The following ARHGEF26 variants were observed in gnomAD, a reference collection of about 807,000 sequenced individuals.
The protein encoded by ARHGEF26 is Rho guanine nucleotide exchange factor (GEF) 26.
A neutral mutation model predicts 89.4 loss-of-function variants in ARHGEF26; 59 were observed. The ratio of observed to expected loss-of-function variants is 0.66; its 90% confidence interval spans 0.54 to 0.82. ARHGEF26 has a LOEUF of 0.82. Among genes scored for constraint, ARHGEF26 ranks in the 40% least tolerant of loss-of-function variants. The pLI is 0.00. For missense variants in ARHGEF26, 1,234 were observed against 1,085.6 expected (o/e 1.14, Z -1.92); for synonymous variants, 500 against 428.4 (o/e 1.17, Z -2.06).
At chr3:154,179,624 C>T (rs1037858361) in intron 6 of ARHGEF26, among the ~76,000 whole-genome samples, 1 of 152,122 alleles carries the variant, frequency 6.6e-6, no homozygotes, top group Non-Finnish European at 1.5e-5. Flanking sequence ...GAGCCTGGCA[C>T]ATAGTAGGCA....
intron 12 of ARHGEF26, among the ~76,000 whole-genome samples, chr3:154,248,879 CT>C (rs549290169): frequency 6.6e-6 from 1 of 152,040 alleles, no homozygotes; most frequent in Non-Finnish European, 1.5e-5. Flanking sequence ...TTTTTAATGA[CT>C]TTTTTTCACG....
intron 10 of ARHGEF26, among the ~76,000 whole-genome samples, chr3:154,225,304 G>T (rs1255065794): frequency 6.6e-6 from 1 of 152,102 alleles, no homozygotes; most frequent in East Asian, 1.9e-4. Context: ...TTAAGAACAG[G>T]TGTTCTCAAG....
At chr3:154,206,676 G>A (rs1419456924) in intron 9 of ARHGEF26, among the ~76,000 whole-genome samples, 1 of 152,118 alleles carries the variant, frequency 6.6e-6, no homozygotes, top group Non-Finnish European at 1.5e-5. Context: ...TCTTTAAAAC[G>A]CTAATACTGC....
chr3:154,251,272 T>G (rs1046588098), intron 12 of ARHGEF26, among the ~76,000 whole-genome samples: 9 of 152,294 alleles, frequency 5.9e-5, no homozygotes, highest in African/African-American at 2.2e-4. Flanking sequence ...CTTTTCAAGA[T>G]TGTTGTAAAA....
chr3:154,180,588 C>T (rs1273063898), intron 6 of ARHGEF26, among the ~76,000 whole-genome samples: 2 of 2,898 alleles, frequency 6.9e-4, no homozygotes, highest in Admixed American at 0.011. Flanking sequence ...GCTGCATCCT[C>T]CTCTAATTTT....
chr3:154,212,167 C>A (rs1287479290), intron 9 of ARHGEF26, among the ~76,000 whole-genome samples: 1 of 151,936 alleles, frequency 6.6e-6, no homozygotes, highest in Non-Finnish European at 1.5e-5. Flanking sequence ...AGTGAGACCT[C>A]TTCTCCACAG....
intron 6 of ARHGEF26, among the ~76,000 whole-genome samples, chr3:154,171,973 T>TTTC (rs1229318197): frequency 6.6e-6 from 1 of 152,170 alleles, no homozygotes; most frequent in South Asian, 2.1e-4. Flanking sequence ...TGTAATTTTT[T>TTTC]TTCTTCTTCT....
chr3:154,158,428 A>G (rs1711503717), intron 6 of ARHGEF26, among the ~76,000 whole-genome samples: 1 of 152,070 alleles, frequency 6.6e-6, no homozygotes, highest in African/African-American at 2.4e-5. Flanking sequence ...AATCCTACTG[A>G]TTGTTTTTAC....
intron 9 of ARHGEF26, among the ~76,000 whole-genome samples, chr3:154,201,185 G>C (rs1714611361): frequency 6.9e-6 from 1 of 145,372 alleles, no homozygotes; most frequent in East Asian, 2.0e-4. Context: ...CCCAGTGTGT[G>C]ATGTTCCCCT....
Position 154,149,456 on chromosome 3 carries a change from A to G in ARHGEF26, c.1326+11A>G, listed in dbSNP as rs753501890. On this transcript the variant is annotated intron_variant, in intron 5 of 14. Transcript: ENST00000465093. ...AGAAAGAGACAAGAGGTATGTTTCTACCGAGCAGCTGCTTTAGAGCTCTGG... is the reference window on the plus strand; with the variant it reads ...AGAAAGAGACAAGAGGTATGTTTCTGCCGAGCAGCTGCTTTAGAGCTCTGG... The G allele has an allele frequency of 8.1e-6, 13 of 1,602,798 alleles. No homozygotes were observed. The highest frequency in any genetic ancestry group is 2.3e-5 in the South Asian group (2 of 88,640).
chr3:154,143,676 C>T (rs1231420080), intron 4 of ARHGEF26, among the ~76,000 whole-genome samples: 1 of 152,184 alleles, frequency 6.6e-6, no homozygotes, highest in African/African-American at 2.4e-5. Flanking sequence ...TACCACCATT[C>T]CCAACCCCTC....
intron 6 of ARHGEF26, chr3:154,187,190 G>T (rs1312454245): frequency 1.0e-6 from 1 of 983,854 alleles, no homozygotes; most frequent in African/African-American, 1.8e-5. Context: ...ACACCTCCTG[G>T]CCTCAGACTT....
intron 4 of ARHGEF26, among the ~76,000 whole-genome samples, chr3:154,133,017 G>A (rs1293361880): frequency 1.3e-5 from 2 of 152,020 alleles, no homozygotes; most frequent in Non-Finnish European, 2.9e-5. Context: ...TGCATTAGCC[G>A]GTGTTGTTTT....
At chr3:154,147,026 G>A (rs10935977) in intron 4 of ARHGEF26, among the ~76,000 whole-genome samples, 22,104 of 152,194 alleles carry the variant, frequency 0.15, 1,901 homozygotes, top group East Asian at 0.36. Flanking sequence ...AGGTTGCTTT[G>A]GCTGTCTGTG....
intron 6 of ARHGEF26, among the ~76,000 whole-genome samples, chr3:154,153,481 A>G (rs1720147076): frequency 6.6e-6 from 1 of 152,066 alleles, no homozygotes; most frequent in African/African-American, 2.4e-5. Flanking sequence ...AAGTATATAC[A>G]TTGGATGTTT....
At chr3:154,191,017 C>A (rs942849971) in intron 7 of ARHGEF26, among the ~76,000 whole-genome samples, 7 of 152,176 alleles carry the variant, frequency 4.6e-5, no homozygotes, top group African/African-American at 1.4e-4. Context: ...TGCTTACCTT[C>A]CACTTGTATA....
At chr3:154,216,505 T>A (rs1168719870) in intron 9 of ARHGEF26, among the ~76,000 whole-genome samples, 588 of 31,594 alleles carry the variant, frequency 0.019, 3 homozygotes, top group African/African-American at 0.052. Context: ...TTTTTTTATT[T>A]TTTATTTTTT....
chr3:154,239,232 G>A (rs914107743), intron 11 of ARHGEF26, among the ~76,000 whole-genome samples: 1 of 150,374 alleles, frequency 6.7e-6, no homozygotes, highest in Non-Finnish European at 1.5e-5. Flanking sequence ...TAGTGTTGGG[G>A]ACTTGATGTA....
intron 9 of ARHGEF26, among the ~76,000 whole-genome samples, chr3:154,195,554 T>C (rs1243161604): frequency 6.6e-6 from 1 of 152,142 alleles, no homozygotes; most frequent in South Asian, 2.1e-4. Context: ...ACTTGGAAAC[T>C]GATTGGGTGA....
Sources: allele counts gnomAD v4.1 joint callset (sites outside exome capture counted in the v4.1 genomes callset), GRCh38; gene constraint gnomAD v4.1.1; transcripts MANE v1.5; gene names NCBI Gene and HGNC (gene_info 2026-07-23, HGNC 2026-07-21).